The following DHX9 variants were observed in gnomAD, a reference collection of about 807,000 sequenced individuals.
DHX9 encodes the protein DExH-box helicase 9.
In DHX9, 27 loss-of-function variants were observed where a neutral mutation model predicts 148.7. That is an observed-to-expected ratio of 0.18 (90% CI 0.13 to 0.25). The LOEUF (loss-of-function observed/expected upper bound fraction) is 0.25. DHX9 is among the 10% of genes least tolerant of loss of function. DHX9 has a pLI of 1.00. For missense variants in DHX9, 796 were observed against 1,559.6 expected (o/e 0.51, Z 8.25); for synonymous variants, 529 against 516.6 (o/e 1.02, Z -0.33).
At chr1:182,877,067 AATT>A (rs755626115) in intron 19 of DHX9, 164 bp downstream of exon 19, 28 of 501,756 alleles carry the variant, frequency 5.6e-5, no homozygotes, top group East Asian at 1.6e-4. Flanking sequence ...AATTAAGAGT[AATT>A]ATTGTTGATT....
intron 27 of DHX9, 101 bp from the exon 28 acceptor site, chr1:182,886,982 C>A: frequency 8.9e-7 from 1 of 1,123,026 alleles, no homozygotes; most frequent in South Asian, 1.5e-5. Flanking sequence ...GCTTCATTCC[C>A]TTTATTAAAT....
chr1:182,857,108 A>G (rs1444981300), intron 7 of DHX9, among the ~76,000 whole-genome samples: 1 of 152,130 alleles, frequency 6.6e-6, no homozygotes, highest in African/African-American at 2.4e-5. Context: ...CAGCCTCCCA[A>G]AGTGCTGGGA....
chr1:182,841,961 T>C (rs1667940027), intron 1 of DHX9, among the ~76,000 whole-genome samples: 1 of 152,212 alleles, frequency 6.6e-6, no homozygotes, highest in African/African-American at 2.4e-5. Flanking sequence ...ATATTATTAA[T>C]ACATGGCCTA....
intron 26 of DHX9, 58 bp downstream of exon 26, chr1:182,883,693 A>G: frequency 8.1e-7 from 1 of 1,233,406 alleles, no homozygotes; most frequent in Non-Finnish European, 1.2e-6. Flanking sequence ...ATATGATGGA[A>G]TTCAGCTGCT....
chr1:182,868,467 A>G (rs1054812077), intron 14 of DHX9, among the ~76,000 whole-genome samples: 1 of 151,226 alleles, frequency 6.6e-6, no homozygotes, highest in African/African-American at 2.5e-5. Context: ...AATAAGGTTA[A>G]TAAAAGAATT....
chr1:182,876,640 C>T, intron 18 of DHX9, 99 bp downstream of exon 18: 1 of 1,156,016 alleles, frequency 8.7e-7, no homozygotes, highest in Non-Finnish European at 1.3e-6. Flanking sequence ...TGTAACCCAT[C>T]TAAATTGAGG....
chr1:182,861,442 C>A (rs899888547), intron 12 of DHX9, among the ~76,000 whole-genome samples: 7 of 152,206 alleles, frequency 4.6e-5, no homozygotes, highest in Non-Finnish European at 7.3e-5. Flanking sequence ...CCTCATCTTT[C>A]AGGAAGAACA....
chr1:182,849,320 C>T (rs898229079), intron 3 of DHX9, among the ~76,000 whole-genome samples: 2 of 152,178 alleles, frequency 1.3e-5, no homozygotes, highest in African/African-American at 4.8e-5. Flanking sequence ...TTTCTAACTA[C>T]TCCCCTTTCT....
intron 3 of DHX9, among the ~76,000 whole-genome samples, chr1:182,850,979 G>A (rs1668133135): frequency 6.8e-6 from 1 of 147,502 alleles, no homozygotes; most frequent in African/African-American, 2.5e-5. Flanking sequence ...TAGATAGAGA[G>A]TGAGGTGGAG....
In DHX9 at chr1:182,858,244, A is replaced by C; in HGVS notation, c.810+4A>C. Reference sequence around the variant, plus strand: ...AAAGAAGAAGGAAGGAGAGACAGTGAGTCTTTAGATTTAATAGACTTGTGA... The same window carrying C: ...AAAGAAGAAGGAAGGAGAGACAGTGCGTCTTTAGATTTAATAGACTTGTGA... On this transcript the variant is annotated splice_donor_region_variant and intron_variant, in intron 8 of 27. Transcript: ENST00000367549. 6.2e-7 allele frequency: 1 copy of C among 1,612,552 alleles called. No homozygotes were observed. The highest frequency in any genetic ancestry group is 8.5e-7 in the Non-Finnish European group (1 of 1,179,574).
intron 27 of DHX9, among the ~76,000 whole-genome samples, chr1:182,885,889 G>T (rs918349535): frequency 6.6e-6 from 1 of 152,246 alleles, no homozygotes; most frequent in Non-Finnish European, 1.5e-5. Context: ...TAGGAGAAGA[G>T]AGATTATTTT....
At position 182,860,125 on chromosome 1, in the gene DHX9, A is replaced by G; in HGVS notation, c.1273A>G (p.Ile425Val). 5.0e-6 allele frequency: 8 copies of G among 1,613,858 alleles called. No individual in the cohort carries two copies. The highest frequency in any genetic ancestry group is 1.3e-5 in the African/African-American group (1 of 75,040). The change falls in exon 12 of 28, where the codon ATT (isoleucine) becomes GTT (valine). Residue 425 changes from isoleucine (I) to valine (V), a missense_variant. Physicochemically the swap from Ile to Val is conservative, Grantham distance 29. Coordinates refer to ENST00000367549, the MANE Select transcript of DHX9 (RefSeq NM_001357.5). ...GAAAACCACACAGGTTCCCCAGTTC[A>G]TTCTAGATGACTTTATCCAGAATGA... is the stretch of plus-strand genomic sequence containing the variant. ...CGKTTQVPQF[I>V]LDDFIQNDRA...
chr1:182,861,695 T>A (rs1246923788), intron 12 of DHX9, among the ~76,000 whole-genome samples: 2 of 152,230 alleles, frequency 1.3e-5, no homozygotes, highest in African/African-American at 4.8e-5. Flanking sequence ...CACTGTCTTT[T>A]AAAATGTTCA....
rs781273990 is a variant in DHX9 at position 182,876,812 on chromosome 1, A to T, written c.2125-18A>T. 2.3e-5 allele frequency: 37 copies of T among 1,592,944 alleles called. No homozygotes were observed. Among genetic ancestry groups the T allele is most frequent in the Non-Finnish European group, 6.0e-6 (7 of 1,165,126 alleles). On this transcript the variant is annotated intron_variant, in intron 18 of 27. Coordinates refer to ENST00000367549, the MANE Select transcript of DHX9 (RefSeq NM_001357.5). Reference sequence around the variant, plus strand: ...TAATAAGAATATTTTCTGGAGTGTAATTTTTCTTTCTTCACAGGTTATTTT... The same window carrying T: ...TAATAAGAATATTTTCTGGAGTGTATTTTTTCTTTCTTCACAGGTTATTTT...
At chr1:182,881,477 T>A in intron 23 of DHX9, 43 bp from the exon 24 acceptor site, 2 of 1,608,962 alleles carry the variant, frequency 1.2e-6, no homozygotes, top group Non-Finnish European at 1.7e-6. Flanking sequence ...TGTATTTAGT[T>A]CTCTGGTCTT....
chr1:182,861,120 TTATAATTAGTATATTTGTATAATTG>T (rs1668355494), intron 12 of DHX9, among the ~76,000 whole-genome samples: 1 of 152,242 alleles, frequency 6.6e-6, no homozygotes, highest in Admixed American at 6.5e-5. Context: ...AGATACATTT[TTATAATTAGTATATTTGTATAATTG>T]TATAATTAGT....
intron 3 of DHX9, among the ~76,000 whole-genome samples, chr1:182,849,481 AT>A (rs1668093196): frequency 1.3e-5 from 2 of 152,262 alleles, no homozygotes; most frequent in Admixed American, 1.3e-4. Context: ...TATCCAATTA[AT>A]GTTTACATTT....
intron 27 of DHX9, among the ~76,000 whole-genome samples, chr1:182,886,051 A>G (rs113885381): frequency 2.7e-4 from 41 of 152,328 alleles, no homozygotes; most frequent in African/African-American, 9.4e-4. Context: ...TAGAATTGCA[A>G]TGGGGAGATG....
At chr1:182,847,242 G>C (rs961448237) in intron 3 of DHX9, among the ~76,000 whole-genome samples, 33 of 152,072 alleles carry the variant, frequency 2.2e-4, no homozygotes, top group Non-Finnish European at 2.4e-4. Context: ...ATATTTTCTT[G>C]AGGTTGGATC....
Sources: gnomAD v4.1 joint callset for allele counts (sites outside exome capture counted in the v4.1 genomes callset) on GRCh38, gnomAD v4.1.1 for gene constraint, MANE v1.5 for transcripts, NCBI Gene and HGNC (gene_info 2026-07-23, HGNC 2026-07-21) for gene names.